DIP2B: variants seen among roughly 807,000 people sequenced by gnomAD.
The protein encoded by DIP2B is disco-interacting protein 2 homolog B.
In DIP2B, 76 loss-of-function variants were observed where a neutral mutation model predicts 198.0. That is an observed-to-expected ratio of 0.38 (90% CI 0.32 to 0.46). The LOEUF (loss-of-function observed/expected upper bound fraction) is 0.46, where lower values mean the gene tolerates loss of function less well. DIP2B is among the 20% of genes least tolerant of loss of function. DIP2B has a pLI of 0.99. For missense variants in DIP2B, 1,559 were observed against 1,978.4 expected (o/e 0.79, Z 4.02); for synonymous variants, 701 against 739.1 (o/e 0.95, Z 0.84).
chr12:50,722,369 T>C (rs975024347), intron 26 of DIP2B, among the ~76,000 whole-genome samples: 5 of 151,956 alleles, frequency 3.3e-5, no homozygotes, highest in African/African-American at 4.8e-5. Flanking sequence ...TTCTCCTGCC[T>C]CAGCCTCCTG....
At chr12:50,649,832 G>C (rs1938422002) in intron 3 of DIP2B, among the ~76,000 whole-genome samples, 1 of 152,064 alleles carries the variant, frequency 6.6e-6, no homozygotes, top group East Asian at 1.9e-4. Flanking sequence ...ATCCGGCCTG[G>C]GTGAAAGGGT....
intron 1 of DIP2B, among the ~76,000 whole-genome samples, chr12:50,554,243 A>T (rs1286381874): frequency 1.3e-5 from 2 of 152,106 alleles, no homozygotes; most frequent in Non-Finnish European, 2.9e-5. Context: ...CACCTTAGCT[A>T]CCCACCCATG....
At chr12:50,647,279 C>G (rs12231309) in intron 3 of DIP2B, among the ~76,000 whole-genome samples, 4 of 151,754 alleles carry the variant, frequency 2.6e-5, no homozygotes, top group African/African-American at 9.7e-5. Flanking sequence ...TTTTCTCCCC[C>G]CCGCCCAAAA....
chr12:50,546,152 C>A (rs1958375889), intron 1 of DIP2B, among the ~76,000 whole-genome samples: 1 of 152,188 alleles, frequency 6.6e-6, no homozygotes, highest in South Asian at 2.1e-4. Flanking sequence ...ATGGAGACAG[C>A]TTATTGTATA....
chr12:50,717,408 C>T (rs1939747110), intron 23 of DIP2B, among the ~76,000 whole-genome samples: 2 of 129,130 alleles, frequency 1.5e-5, no homozygotes, highest in East Asian at 4.9e-4. Context: ...CACTGTCGCC[C>T]AGGCTGGAGT....
At chr12:50,569,781 C>T (rs1958597496) in intron 1 of DIP2B, among the ~76,000 whole-genome samples, 1 of 152,124 alleles carries the variant, frequency 6.6e-6, no homozygotes, top group Non-Finnish European at 1.5e-5. Flanking sequence ...TAAATATTGA[C>T]CTCTCTACAG....
intron 27 of DIP2B, among the ~76,000 whole-genome samples, chr12:50,723,692 A>G: frequency 6.6e-6 from 1 of 152,040 alleles, no homozygotes. Flanking sequence ...TGGAGGTTAG[A>G]AGTGAGCTGA....
intron 19 of DIP2B, among the ~76,000 whole-genome samples, chr12:50,703,861 T>C (rs1215943613): frequency 1.3e-5 from 2 of 150,874 alleles, no homozygotes; most frequent in Non-Finnish European, 2.9e-5. Context: ...TTGCAAAAAG[T>C]ATAATATCTG....
intron 1 of DIP2B, among the ~76,000 whole-genome samples, chr12:50,511,946 C>CAAAAAA (rs1294473966): frequency 3.8e-5 from 1 of 26,570 alleles, no homozygotes. Context: ...GACTCCGTCT[C>CAAAAAA]AAAAAAAAAA....
intron 1 of DIP2B, among the ~76,000 whole-genome samples, chr12:50,587,279 C>G (rs1958779460): frequency 6.6e-6 from 1 of 152,178 alleles, no homozygotes; most frequent in Non-Finnish European, 1.5e-5. Context: ...GAACCTTTCC[C>G]TGGTCCTTTT....
chr12:50,637,619 A>T (rs1292189387), intron 2 of DIP2B, among the ~76,000 whole-genome samples: 1 of 152,208 alleles, frequency 6.6e-6, no homozygotes, highest in Non-Finnish European at 1.5e-5. Flanking sequence ...AGGTATACAT[A>T]TGGTGACCAC....
chr12:50,571,297 G>A (rs1024329327), intron 1 of DIP2B, among the ~76,000 whole-genome samples: 6 of 145,656 alleles, frequency 4.1e-5, no homozygotes, highest in Admixed American at 2.1e-4. Context: ...TCAGCCTCCC[G>A]AGTAGCTGGG....
chr12:50,646,138 T>A (rs996892086), intron 3 of DIP2B, among the ~76,000 whole-genome samples: 30 of 152,160 alleles, frequency 2.0e-4, no homozygotes, highest in Non-Finnish European at 1.3e-4. Flanking sequence ...ATTTTATTTT[T>A]TTTGAGACGG....
chr12:50,543,075 A>C (rs1290476367), intron 1 of DIP2B, among the ~76,000 whole-genome samples: 2 of 151,610 alleles, frequency 1.3e-5, no homozygotes, highest in Non-Finnish European at 2.9e-5. Flanking sequence ...GGCTTCACCA[A>C]GTTGCCCAGG....
intron 1 of DIP2B, among the ~76,000 whole-genome samples, chr12:50,521,935 G>A (rs1263262214): frequency 2.0e-5 from 3 of 149,750 alleles, no homozygotes; most frequent in African/African-American, 7.4e-5. Context: ...GAGCCACCAC[G>A]CCCAGCCCCC....
chr12:50,691,396 A>G (rs1344834876), intron 13 of DIP2B, among the ~76,000 whole-genome samples: 1 of 152,236 alleles, frequency 6.6e-6, no homozygotes, highest in Non-Finnish European at 1.5e-5. Context: ...AACCCTAATT[A>G]AAATCCTGTT....
chr12:50,540,482 CTA>C (rs1416834449), intron 1 of DIP2B, among the ~76,000 whole-genome samples: 1 of 150,280 alleles, frequency 6.7e-6, no homozygotes, highest in Non-Finnish European at 1.5e-5. Context: ...TTTCAGATGC[CTA>C]TATAGCAGTC....
intron 1 of DIP2B, among the ~76,000 whole-genome samples, chr12:50,582,464 T>C (rs972201283): frequency 6.6e-6 from 1 of 152,196 alleles, no homozygotes; most frequent in African/African-American, 2.4e-5. Context: ...AGCTTTTTTT[T>C]CTGATTAGTT....
chr12:50,522,415 A>AGCTG (rs1958128197), intron 1 of DIP2B, among the ~76,000 whole-genome samples: 1 of 152,224 alleles, frequency 6.6e-6, no homozygotes, highest in Non-Finnish European at 1.5e-5. Flanking sequence ...CTCAGGGTAC[A>AGCTG]AGACGGGAAC....
Sources: gnomAD v4.1 joint callset for allele counts (sites outside exome capture counted in the v4.1 genomes callset) on GRCh38, gnomAD v4.1.1 for gene constraint, MANE v1.5 for transcripts, NCBI Gene and HGNC (gene_info 2026-07-23, HGNC 2026-07-21) for gene names.